PUM1: variants seen among roughly 807,000 people sequenced by gnomAD.
The protein encoded by PUM1 is pumilio RNA binding family member 1.
A neutral mutation model predicts 131.8 loss-of-function variants in PUM1; 13 were observed. The ratio of observed to expected loss-of-function variants is 0.10; its 90% confidence interval spans 0.06 to 0.16. The LOEUF (loss-of-function observed/expected upper bound fraction) is 0.16, where lower values mean the gene tolerates loss of function less well. Ranked by LOEUF, PUM1 falls within the 10% of genes least tolerant of loss-of-function variation. The pLI is 1.00. For synonymous variants in PUM1, 509 were observed against 556.5 expected (o/e 0.91, Z 1.20); for missense variants, 961 against 1,512.4 (o/e 0.64, Z 6.05).
At chr1:31,014,003 T>C (rs1194945240) in intron 3 of PUM1, among the ~76,000 whole-genome samples, 1 of 152,114 alleles carries the variant, frequency 6.6e-6, no homozygotes, top group Non-Finnish European at 1.5e-5. Context: ...AGAAACTACA[T>C]ACGTATCAAA....
chr1:30,950,804 T>C (rs1570111507), intron 16 of PUM1, among the ~76,000 whole-genome samples: 1 of 152,166 alleles, frequency 6.6e-6, no homozygotes, highest in Admixed American at 6.5e-5. Context: ...GAGGTTACAG[T>C]GAGCTGAGAT....
In PUM1 at chr1:31,009,782, A is replaced by AAAAAAAAAAAAAC. The variant is rs375044466; in HGVS notation, c.433-2681_433-2680insGTTTTTTTTTTTT. 2.8e-3 allele frequency among the ~76,000 whole-genome samples: 348 copies of AAAAAAAAAAAAAC among 125,308 alleles called. 7 individuals carry two copies. Among genetic ancestry groups the AAAAAAAAAAAAAC allele is most frequent in the African/African-American group, 0.011 (323 of 30,368 alleles). The allele number at this position is 125,308 out of a possible 152,430, so 82.2% of individuals were successfully genotyped here. On this transcript the variant is annotated intron_variant, in intron 3 of 21. Coordinates refer to ENST00000426105, the MANE Select transcript of PUM1 (RefSeq NM_001020658.2). Reference sequence around the variant, plus strand: ...GACTCTGTCTCAAAAAAAAAAAAAAAAAAAACAAAAACAGAAACAAAAAAA... The same window carrying AAAAAAAAAAAAAC: ...GACTCTGTCTCAAAAAAAAAAAAAAAAAAAAAAAAAAACAAAAACAAAAACAGAAACAAAAAAA...
At chr1:30,999,645 G>C (rs888294905) in intron 5 of PUM1, among the ~76,000 whole-genome samples, 7 of 120,104 alleles carry the variant, frequency 5.8e-5, no homozygotes, top group Admixed American at 8.5e-5. Context: ...AAAAAAAAAG[G>C]TGCTGAACCA....
Position 30,964,062 on chromosome 1 carries a change from T to C in PUM1, c.2323+612A>G, listed in dbSNP as rs1640526591. 2.0e-5 allele frequency among the ~76,000 whole-genome samples: 3 copies of C among 152,116 alleles called. No homozygotes were observed. The South Asian group carries it at 6.2e-4, about 32-fold the overall frequency. ...CCTGCTGCTTGGGATCCTCTTTTTC[T>C]CTCCCTATTTTCTAGAATCTAGATG... On this transcript the variant is annotated intron_variant, in intron 14 of 21. Transcript: ENST00000426105.
At chr1:30,969,002 GAA>G (rs1221611496) in intron 10 of PUM1, among the ~76,000 whole-genome samples, 1 of 150,694 alleles carries the variant, frequency 6.6e-6, no homozygotes, top group Admixed American at 6.6e-5. Context: ...AGTGGGTGAA[GAA>G]AAAAAAAGAG....
chr1:31,042,580 C>G (rs1643856458), intron 2 of PUM1, among the ~76,000 whole-genome samples: 1 of 152,176 alleles, frequency 6.6e-6, no homozygotes, highest in South Asian at 2.1e-4. Flanking sequence ...AGACCAAGCT[C>G]TTAACAGATG....
At chr1:31,055,438 G>T (rs1350351245) in intron 2 of PUM1, 2 of 456,032 alleles carry the variant, frequency 4.4e-6, no homozygotes, top group African/African-American at 4.0e-5. Flanking sequence ...AGTCCAGAAG[G>T]TGAGAACAAC....
chr1:30,934,257 G>A (rs1383684544), intron 21 of PUM1, among the ~76,000 whole-genome samples: 3 of 152,174 alleles, frequency 2.0e-5, no homozygotes, highest in Admixed American at 2.0e-4. Context: ...AGCTGTGTCT[G>A]CTATCTTTTG....
chr1:31,060,515 A>G (rs1446902267), intron 1 of PUM1, among the ~76,000 whole-genome samples: 1 of 152,126 alleles, frequency 6.6e-6, no homozygotes, highest in Non-Finnish European at 1.5e-5. Flanking sequence ...GACATATGCT[A>G]ATAACTAAAC....
At chr1:31,059,711 T>C in intron 1 of PUM1, 134 bp from the exon 2 acceptor site, 2 of 1,054,292 alleles carry the variant, frequency 1.9e-6, no homozygotes, top group South Asian at 3.3e-5. Context: ...GGCAAGGTAT[T>C]GGGATCAGAA....
At chr1:31,005,817 GA>G in intron 5 of PUM1, 35 bp downstream of exon 5, 1 of 1,494,974 alleles carries the variant, frequency 6.7e-7, no homozygotes, top group Non-Finnish European at 9.0e-7. Context: ...GAGAGAGAGA[GA>G]GAGAGATAGG....
intron 5 of PUM1, 100 bp from the exon 6 acceptor site, chr1:30,995,320 G>C (rs886610145): frequency 4.7e-6 from 6 of 1,284,712 alleles, no homozygotes; most frequent in Middle Eastern, 1.9e-4. Context: ...CTCAGAAGAG[G>C]ATAGTGTTGT....
intron 14 of PUM1, among the ~76,000 whole-genome samples, chr1:30,954,743 C>G (rs1640077209): frequency 6.6e-6 from 1 of 151,932 alleles, no homozygotes; most frequent in East Asian, 1.9e-4. Flanking sequence ...ACAGATAAAA[C>G]AAACATATGA....
chr1:30,974,066 C>G (rs573604805), intron 10 of PUM1, among the ~76,000 whole-genome samples: 4 of 147,170 alleles, frequency 2.7e-5, no homozygotes, highest in Admixed American at 2.1e-4. Context: ...CCAGCCTGGG[C>G]GACAGAGCTA....
chr1:31,048,272 A>G (rs1286168268), intron 2 of PUM1, among the ~76,000 whole-genome samples: 3 of 151,564 alleles, frequency 2.0e-5, no homozygotes, highest in Non-Finnish European at 4.4e-5. Context: ...AAAAATAAAA[A>G]AAAGAAATAA....
rs1643313229 is a variant in PUM1, at chr1:31,028,872, TTAGAA to T, written c.364-13_364-9del. 6.2e-7 allele frequency: 1 copy of T among 1,611,152 alleles called. No individual in the cohort carries two copies. Among genetic ancestry groups the T allele is most frequent in the African/African-American group, 1.3e-5 (1 of 74,884 alleles). On this transcript the variant is annotated splice_polypyrimidine_tract_variant and intron_variant, in intron 2 of 21. Coordinates refer to ENST00000426105, the MANE Select transcript of PUM1 (RefSeq NM_001020658.2). ...TTCATCCATGGAACGCACCTATTGTTTAGAATAGAGAAGGAAAAATCTTCAAGTCA... is the reference window on the plus strand; with the variant it reads ...TTCATCCATGGAACGCACCTATTGTTTAGAGAAGGAAAAATCTTCAAGTCA...
chr1:31,060,247 C>T (rs926289964), intron 1 of PUM1, among the ~76,000 whole-genome samples: 1 of 150,736 alleles, frequency 6.6e-6, no homozygotes, highest in South Asian at 2.1e-4. Context: ...GATCACCTGA[C>T]GTCAGGAGTT....
chr1:30,975,381 C>T (rs1641092306), intron 9 of PUM1, among the ~76,000 whole-genome samples: 1 of 151,556 alleles, frequency 6.6e-6, no homozygotes, highest in African/African-American at 2.4e-5. Context: ...GAGACAGGGT[C>T]TCTCTGTCAC....
rs1011241061 is a variant in PUM1 at position 30,968,451 on chromosome 1, G to A, written c.1548C>T (p.Asn516=). The A allele has an allele frequency of 8.1e-6, 13 of 1,596,556 alleles. No homozygotes were observed. Among genetic ancestry groups the A allele is most frequent in the Middle Eastern group, 1.7e-4 (1 of 6,008 alleles). ...GGASQRPLTP[N]QNQQGQQTDP... is the part of the protein sequence containing the mutation. Reference sequence around the variant, plus strand: ...CCGTTTGCTGTCCCTGCTGGTTCTGGTTTGGGGTCAAAGGACGTTGGCTGG... The same window carrying A: ...CCGTTTGCTGTCCCTGCTGGTTCTGATTTGGGGTCAAAGGACGTTGGCTGG... The change falls in exon 11 of 22, where the codon AAC becomes AAT. Residue 516 remains asparagine (N), a synonymous_variant. Coordinates refer to ENST00000426105, the MANE Select transcript of PUM1 (RefSeq NM_001020658.2).
Sources: gnomAD v4.1 joint callset for allele counts (sites outside exome capture counted in the v4.1 genomes callset) on GRCh38, gnomAD v4.1.1 for gene constraint, MANE v1.5 for transcripts, NCBI Gene and HGNC (gene_info 2026-07-23, HGNC 2026-07-21) for gene names.